Variants in DGKI observed in about 807,000 individuals in gnomAD.
DGKI encodes diacylglycerol kinase iota.
In DGKI, 55 loss-of-function variants were observed where a neutral mutation model predicts 147.5. The observed-to-expected ratio is 0.37, with a 90% CI of 0.30 to 0.47. The LOEUF is 0.47. Ranked by LOEUF, DGKI falls within the 20% of genes least tolerant of loss-of-function variation. DGKI has a pLI of 1.00. For missense variants in DGKI, 1,007 were observed against 1,323.8 expected, an observed-to-expected ratio of 0.76 and a Z score of 3.71; for synonymous variants, 469 against 477.1, an observed-to-expected ratio of 0.98 and a Z score of 0.22.
chr7:137,430,719 T>C (rs1047301737), intron 28 of DGKI, among the ~76,000 whole-genome samples: 23 of 152,082 alleles, frequency 1.5e-4, no homozygotes, highest in Admixed American at 2.6e-4. Context: ...AAACGAAGAT[T>C]CGCATTGGTA....
intron 6 of DGKI, among the ~76,000 whole-genome samples, chr7:137,639,652 A>G (rs1383952689): frequency 1.3e-5 from 2 of 152,126 alleles, no homozygotes; most frequent in African/African-American, 2.4e-5. Flanking sequence ...AAGGTAGACA[A>G]GTGGGCGGGA....
At chr7:137,396,578 A>G (rs1811561825) in intron 31 of DGKI, among the ~76,000 whole-genome samples, 1 of 152,194 alleles carries the variant, frequency 6.6e-6, no homozygotes, top group Non-Finnish European at 1.5e-5. Flanking sequence ...GACCAGCTCT[A>G]TGGAGTGATA....
At chr7:137,775,705 C>T (rs1303006251) in intron 1 of DGKI, among the ~76,000 whole-genome samples, 2 of 152,164 alleles carry the variant, frequency 1.3e-5, no homozygotes, top group Non-Finnish European at 2.9e-5. Flanking sequence ...GTTTTAGCAA[C>T]ATTACGTGTA....
chr7:137,502,578 A>G lies in DGKI; in HGVS notation c.2249-14889T>C, dbSNP rs184163729. Among the ~76,000 whole-genome samples the G allele has an allele frequency of 3.4e-4, 52 of 152,130 alleles. 1 individual carries two copies. The highest frequency in any genetic ancestry group is 1.5e-3 in the South Asian group (7 of 4,820). ...AAAGGGGAAGGGAGGGCAAGGAGGAAGGAGAAAAAATAACCTACGTTCACA... is the reference window on the plus strand; with the variant it reads ...AAAGGGGAAGGGAGGGCAAGGAGGAGGGAGAAAAAATAACCTACGTTCACA... On this transcript the variant is annotated intron_variant, in intron 21 of 32. Coordinates refer to ENST00000614521, the MANE Select transcript of DGKI (RefSeq NM_001321708.2).
chr7:137,787,835 T>C (rs988129857), intron 1 of DGKI, among the ~76,000 whole-genome samples: 4 of 152,084 alleles, frequency 2.6e-5, no homozygotes, highest in Admixed American at 1.3e-4. Context: ...GACACTATTA[T>C]GCTATGAGGA....
In DGKI at chr7:137,576,683, T is replaced by C. The variant is rs550594067; in HGVS notation, c.1761+539A>G. On this transcript the variant is annotated intron_variant, in intron 17 of 32. Transcript: ENST00000614521. ...ACAGCACATACACAAAAAATCCATC[T>C]AGTGGTGAGGAACCTTGACCAGGTG... Among the ~76,000 whole-genome samples the C allele has an allele frequency of 7.2e-5, 11 of 152,322 alleles. No individual in the cohort carries two copies. In the East Asian group the frequency reaches 1.9e-3, roughly 27 times the overall value.
chr7:137,514,372 C>G (rs756627484), intron 21 of DGKI, among the ~76,000 whole-genome samples: 6 of 152,190 alleles, frequency 3.9e-5, no homozygotes, highest in Non-Finnish European at 7.3e-5. Context: ...TCTCTATGCA[C>G]TTTCACATTT....
At chr7:137,834,670 A>G (rs1364854009) in intron 1 of DGKI, among the ~76,000 whole-genome samples, 1 of 151,928 alleles carries the variant, frequency 6.6e-6, no homozygotes, top group Admixed American at 6.5e-5. Flanking sequence ...ACTCTTAGAA[A>G]ACAACAAAGT....
At chr7:137,826,773 G>A (rs1240763490) in intron 1 of DGKI, among the ~76,000 whole-genome samples, 1 of 152,150 alleles carries the variant, frequency 6.6e-6, no homozygotes, top group Admixed American at 6.5e-5. Context: ...AAAGTGCCTA[G>A]CTCAGAGGCA....
intron 21 of DGKI, among the ~76,000 whole-genome samples, chr7:137,494,306 C>T (rs763268023): frequency 5.9e-5 from 9 of 152,102 alleles, no homozygotes; most frequent in Non-Finnish European, 1.3e-4. Context: ...CGTTCAAATT[C>T]AGGAAATGAA....
chr7:137,673,981 T>G (rs1284715384), intron 3 of DGKI, among the ~76,000 whole-genome samples: 2 of 152,190 alleles, frequency 1.3e-5, no homozygotes, highest in Non-Finnish European at 2.9e-5. Flanking sequence ...AATGAATAAA[T>G]GTACATAAAA....
intron 20 of DGKI, among the ~76,000 whole-genome samples, chr7:137,533,176 C>T (rs1817400764): frequency 6.6e-6 from 1 of 152,038 alleles, no homozygotes; most frequent in African/African-American, 2.4e-5. Context: ...GTTGTCCTAG[C>T]TACTCAGGAG....
At position 137,389,853 on chromosome 7, in the gene DGKI, T is replaced by C. The variant is rs570943855; in HGVS notation, c.*1367A>G. 6.6e-6 allele frequency: 1 copy of C among 152,166 alleles called. No homozygotes were observed. Among genetic ancestry groups the C allele is most frequent in the Non-Finnish European group, 1.5e-5 (1 of 68,026 alleles). 9.4% of individuals were successfully genotyped at this position (152,166 alleles called of 1,614,324 possible). Reference sequence around the variant, plus strand: ...TCTGAAAAGGGAAAAATAAAGTAGATAAAATAATATATTAGACTACCCCAT... The same window carrying C: ...TCTGAAAAGGGAAAAATAAAGTAGACAAAATAATATATTAGACTACCCCAT... On this transcript the variant is annotated 3_prime_UTR_variant, in exon 33 of 33. Transcript: ENST00000614521.
intron 1 of DGKI, among the ~76,000 whole-genome samples, chr7:137,838,669 T>C (rs1033584670): frequency 2.0e-5 from 3 of 152,246 alleles, no homozygotes; most frequent in Non-Finnish European, 2.9e-5. Flanking sequence ...TGTCTTATCT[T>C]TGCCTTTTTT....
intron 3 of DGKI, among the ~76,000 whole-genome samples, chr7:137,663,300 G>A (rs780606121): frequency 1.2e-4 from 18 of 152,150 alleles, no homozygotes; most frequent in Non-Finnish European, 2.6e-4. Flanking sequence ...CACACATGGC[G>A]ACATGCTCAA....
intron 7 of DGKI, among the ~76,000 whole-genome samples, chr7:137,623,179 A>G (rs1820809911): frequency 6.6e-6 from 1 of 152,224 alleles, no homozygotes; most frequent in Non-Finnish European, 1.5e-5. Context: ...AATGTGGTCT[A>G]GGTGTGAGAA....
intron 7 of DGKI, 44 bp downstream of exon 7, chr7:137,623,439 G>T: frequency 1.3e-6 from 2 of 1,566,524 alleles, no homozygotes; most frequent in South Asian, 1.1e-5. Flanking sequence ...AGTGTATTTC[G>T]ACAAAACATG....
At position 137,502,455 on chromosome 7, in the gene DGKI, C is replaced by T. The variant is rs192757322; in HGVS notation, c.2249-14766G>A. Among the ~76,000 whole-genome samples, 4 of 149,318 alleles carry T rather than the reference C, an allele frequency of 2.7e-5. No homozygotes were observed. In the East Asian group the frequency reaches 5.9e-4, roughly 22 times the overall value. ...ATGGATGAACATGAAAATGATAATA[C>T]TGATTACATGATATGAAAAAGGAGG... On this transcript the variant is annotated intron_variant, in intron 21 of 32. Coordinates refer to ENST00000614521, the MANE Select transcript of DGKI (RefSeq NM_001321708.2).
intron 1 of DGKI, among the ~76,000 whole-genome samples, chr7:137,803,658 T>C (rs1203554607): frequency 3.3e-5 from 5 of 152,210 alleles, no homozygotes; most frequent in Non-Finnish European, 7.3e-5. Flanking sequence ...CTGAGCACAA[T>C]GTTTTCCTCC....
Sources: allele counts gnomAD v4.1 joint callset (sites outside exome capture counted in the v4.1 genomes callset), GRCh38; gene constraint gnomAD v4.1.1; transcripts MANE v1.5; gene names NCBI Gene and HGNC (gene_info 2026-07-23, HGNC 2026-07-21).